TCL1B: variants seen among roughly 807,000 people sequenced by gnomAD.
TCL1B encodes TCL1 family AKT coactivator B.
In TCL1B, 14 loss-of-function variants were observed where a neutral mutation model predicts 16.9. That is an observed-to-expected ratio of 0.83 (90% CI 0.55 to 1.30). The LOEUF (loss-of-function observed/expected upper bound fraction) is 1.30, where lower values mean the gene tolerates loss of function less well. Among genes scored for constraint, TCL1B ranks in the 50% most tolerant of loss-of-function variants. The probability of loss-of-function intolerance (pLI) is 0.00; values close to 1 mark genes in which losing one functional copy is unlikely to be tolerated. For missense variants in TCL1B, 166 were observed against 165.2 expected (o/e 1.00, Z -0.03); for synonymous variants, 79 against 66.6 (o/e 1.19, Z -0.91).
At chr14:95,691,208 G>C (rs571780651) in intron 2 of TCL1B, 60 bp from the exon 3 acceptor site, 25 of 1,584,394 alleles carry the variant, frequency 1.6e-5, no homozygotes, top group African/African-American at 1.5e-4. Context: ...ATGGGCGGCC[G>C]TTAAGGCCAA....
chr14:95,691,134 A>G, intron 2 of TCL1B, 134 bp from the exon 3 acceptor site: 1 of 1,164,808 alleles, frequency 8.6e-7, no homozygotes, highest in Non-Finnish European at 1.2e-6. Context: ...TCCCTGGGCT[A>G]GGGAAATCCA....
chr14:95,690,010 G>T (rs898398606), intron 1 of TCL1B, among the ~76,000 whole-genome samples: 16 of 151,992 alleles, frequency 1.1e-4, no homozygotes, highest in Non-Finnish European at 4.4e-5. Context: ...TTATTATTAT[G>T]TATTTATTTT....
chr14:95,686,598 G>T lies in TCL1B; in HGVS notation c.131G>T (p.Arg44Met), dbSNP rs1885766060. ...TVVVRFNPSRREWARASQGSR... is the reference protein window; with the variant it reads ...TVVVRFNPSRMEWARASQGSR... ...GTCGTGCGGTTCAATCCCTCGCGTA[G>T]GGAATGGGCCAGGGCCTCCCAGGGC... Residue 44 changes from arginine to methionine, a missense_variant, in exon 1 of 4, where the codon AGG becomes ATG. Transcript: ENST00000340722. 1 of 1,613,056 alleles carries T rather than the reference G, an allele frequency of 6.2e-7. No individual in the cohort carries two copies. Among genetic ancestry groups the T allele is most frequent in the East Asian group, 2.2e-5 (1 of 44,868 alleles).
intron 1 of TCL1B, among the ~76,000 whole-genome samples, chr14:95,687,824 C>CGT (rs1885795458): frequency 6.6e-6 from 1 of 151,630 alleles, no homozygotes; most frequent in East Asian, 2.0e-4. Flanking sequence ...TGGTGGTGGA[C>CGT]GCCTGTAGTC....
chr14:95,690,417 C>T (rs1415251054), intron 1 of TCL1B, among the ~76,000 whole-genome samples: 1 of 151,948 alleles, frequency 6.6e-6, no homozygotes, highest in Non-Finnish European at 1.5e-5. Context: ...GTTTTTAAAA[C>T]GAAGATTTAA....
chr14:95,687,233 T>G (rs542822971), intron 1 of TCL1B, among the ~76,000 whole-genome samples: 1 of 152,178 alleles, frequency 6.6e-6, no homozygotes, highest in East Asian at 1.9e-4. Context: ...GATTCTTTAC[T>G]TTTCAAAAGC....
At chr14:95,689,167 G>A (rs1031031391) in intron 1 of TCL1B, 18 of 152,148 alleles carry the variant, frequency 1.2e-4, no homozygotes, top group African/African-American at 4.1e-4. Flanking sequence ...GGCGTCTGTA[G>A]TCCCAGCTAC....
At chr14:95,691,584 T>A in intron 3 of TCL1B, 1 of 395,392 alleles carries the variant, frequency 2.5e-6, no homozygotes, top group Non-Finnish European at 4.6e-6. Context: ...CTTGTGAGAA[T>A]TTTGTGAGGT....
intron 1 of TCL1B, among the ~76,000 whole-genome samples, chr14:95,690,128 G>A (rs965967522): frequency 4.6e-5 from 7 of 152,104 alleles, no homozygotes; most frequent in Admixed American, 1.3e-4. Flanking sequence ...TTAGCTTCCC[G>A]AGTAGCTGGG....
At chr14:95,686,914 G>T (rs554613197) in intron 1 of TCL1B, among the ~76,000 whole-genome samples, 43 of 152,330 alleles carry the variant, frequency 2.8e-4, no homozygotes, top group African/African-American at 9.6e-4. Context: ...AGTGCCTGCT[G>T]GGAAGGCCCA....
chr14:95,690,611 T>G, intron 1 of TCL1B, 125 bp from the exon 2 acceptor site: 2 of 1,137,438 alleles, frequency 1.8e-6, no homozygotes, highest in Non-Finnish European at 2.5e-6. Flanking sequence ...GTGCCAAGGC[T>G]CTTGGTCTGG....
intron 1 of TCL1B, chr14:95,689,369 A>G (rs1204689099): frequency 6.6e-6 from 1 of 152,034 alleles, no homozygotes; most frequent in Non-Finnish European, 1.5e-5. Flanking sequence ...TGGATTCTTC[A>G]AATAACTTAG....
intron 1 of TCL1B, among the ~76,000 whole-genome samples, chr14:95,689,584 A>G (rs1885839212): frequency 6.6e-6 from 1 of 152,254 alleles, no homozygotes; most frequent in Non-Finnish European, 1.5e-5. Flanking sequence ...CTGCTATTGC[A>G]GTGCAAAAGC....
chr14:95,686,805 C>G (rs979225490), intron 1 of TCL1B, among the ~76,000 whole-genome samples, 176 bp downstream of exon 1: 1 of 152,200 alleles, frequency 6.6e-6, no homozygotes, highest in African/African-American at 2.4e-5. Context: ...GGAACACCCC[C>G]CGTAAAGGGA....
intron 1 of TCL1B, chr14:95,688,035 G>T (rs1184031385): frequency 6.6e-6 from 1 of 151,184 alleles, no homozygotes; most frequent in Non-Finnish European, 1.5e-5. Context: ...GTCTTGCTCT[G>T]TTGCGGCTGG....
chr14:95,690,455 C>G (rs17757729), intron 1 of TCL1B, among the ~76,000 whole-genome samples: 43,916 of 151,736 alleles, frequency 0.29, 7,239 homozygotes, highest in East Asian at 0.59. Context: ...AGAGATGGAG[C>G]CCCAAGAGAA....
intron 1 of TCL1B, among the ~76,000 whole-genome samples, chr14:95,688,738 C>T (rs935270913): frequency 1.1e-4 from 16 of 152,238 alleles, no homozygotes; most frequent in Middle Eastern, 3.4e-3. Context: ...GTCAGACACA[C>T]GGATGAAACT....
intron 1 of TCL1B, among the ~76,000 whole-genome samples, chr14:95,686,892 A>G (rs1885774477): frequency 6.6e-6 from 1 of 152,246 alleles, no homozygotes; most frequent in South Asian, 2.1e-4. Context: ...CTCAGGGCTT[A>G]GTGCCATTCC....
chr14:95,692,423 T>C lies in TCL1B; in HGVS notation c.*508T>C, dbSNP rs1248208832. On this transcript the variant is annotated 3_prime_UTR_variant, in exon 4 of 4. Transcript: ENST00000340722. Reference sequence around the variant, plus strand: ...TTGGATGCCCTGTGGGTATCAGTTCTGCTGACACTTTGGCCCGAAATAGAT... The same window carrying C: ...TTGGATGCCCTGTGGGTATCAGTTCCGCTGACACTTTGGCCCGAAATAGAT... 1.3e-5 allele frequency: 2 copies of C among 152,388 alleles called. No homozygotes were observed. The highest frequency in any genetic ancestry group is 4.8e-5 in the African/African-American group (2 of 41,464). The allele number at this position is 152,388 out of a possible 1,614,324, so 9.4% of individuals were successfully genotyped here. A position where few individuals can be genotyped will look rare whatever the true frequency, so the allele number is the denominator to read the frequency against.
Sources: gnomAD v4.1 joint callset for allele counts (sites outside exome capture counted in the v4.1 genomes callset) on GRCh38, gnomAD v4.1.1 for gene constraint, MANE v1.5 for transcripts, NCBI Gene and HGNC (gene_info 2026-07-23, HGNC 2026-07-21) for gene names.